Variants in TENM3 observed in about 807,000 individuals in gnomAD.
TENM3 encodes the protein teneurin-3.
In TENM3, 63 loss-of-function variants were observed where a neutral mutation model predicts 255.1. The observed-to-expected ratio is 0.25, with a 90% CI of 0.20 to 0.30. The LOEUF (loss-of-function observed/expected upper bound fraction) is 0.30. Among genes scored for constraint, TENM3 ranks in the 10% least tolerant of loss-of-function variants. The pLI is 1.00. For missense variants in TENM3, 2,929 were observed against 3,461.1 expected (o/e 0.85, Z 3.86); for synonymous variants, 1,306 against 1,322.3 (o/e 0.99, Z 0.27).
the TENM3 span, among the ~76,000 whole-genome samples, chr4:181,555,739 C>T: frequency 1.3e-5 from 2 of 152,182 alleles, no homozygotes; most frequent in Non-Finnish European, 2.9e-5. Flanking sequence ...TTGGAATTCT[C>T]CCCTATATCC....
At chr4:182,148,679 T>G (rs1416793764) in intron 1 of TENM3, among the ~76,000 whole-genome samples, 12 of 152,078 alleles carry the variant, frequency 7.9e-5, no homozygotes, top group African/African-American at 2.9e-4. Context: ...CATAAGATGG[T>G]GTAATCCTGA....
At chr4:181,695,624 C>T in the TENM3 span, among the ~76,000 whole-genome samples, 1 of 152,122 alleles carries the variant, frequency 6.6e-6, no homozygotes, top group Admixed American at 6.6e-5. Flanking sequence ...GAAGACTGAG[C>T]TTCCTTATCC....
chr4:181,741,143 C>T, the TENM3 span, among the ~76,000 whole-genome samples: 5 of 152,094 alleles, frequency 3.3e-5, no homozygotes, highest in East Asian at 1.9e-4. Flanking sequence ...TGAAGCCCAG[C>T]GTCCAATACA....
chr4:182,582,835 A>C (rs1316377671), intron 3 of TENM3, among the ~76,000 whole-genome samples: 9 of 152,206 alleles, frequency 5.9e-5, no homozygotes, highest in Admixed American at 2.0e-4. Flanking sequence ...ATTCACATAA[A>C]CATTGAAGGA....
chr4:182,160,156 C>T (rs1029729233), intron 1 of TENM3, among the ~76,000 whole-genome samples: 2 of 149,790 alleles, frequency 1.3e-5, no homozygotes, highest in Admixed American at 6.7e-5. Context: ...GCGCCCGCCA[C>T]CACGCCTGGC....
chr4:181,578,105 C>G, the TENM3 span, among the ~76,000 whole-genome samples: 7 of 152,188 alleles, frequency 4.6e-5, no homozygotes, highest in African/African-American at 1.7e-4. Flanking sequence ...TGGATCAGGC[C>G]CATGAACCAG....
At chr4:182,325,497 T>A (rs1763333547) in intron 2 of TENM3, among the ~76,000 whole-genome samples, 1 of 152,244 alleles carries the variant, frequency 6.6e-6, no homozygotes, top group Middle Eastern at 3.2e-3. Context: ...TTAACATTTT[T>A]AATCCGTTTT....
the TENM3 span, among the ~76,000 whole-genome samples, chr4:181,710,940 T>C: frequency 4.8e-3 from 723 of 151,136 alleles, 5 homozygotes; most frequent in African/African-American, 0.016. Flanking sequence ...ATATGAGACA[T>C]CTCTGATTCT....
chr4:182,067,313 A>G, the TENM3 span, among the ~76,000 whole-genome samples: 1 of 152,172 alleles, frequency 6.6e-6, no homozygotes, highest in Non-Finnish European at 1.5e-5. Context: ...TGTTCATGAA[A>G]GGACCTGATA....
chr4:181,581,441 AAAAACAAAAC>A, the TENM3 span, among the ~76,000 whole-genome samples: 3 of 152,130 alleles, frequency 2.0e-5, no homozygotes, highest in South Asian at 2.1e-4. Flanking sequence ...ACTCCATCTC[AAAAACAAAAC>A]AAAACAAAAC....
At chr4:182,371,121 G>T (rs1766776681) in intron 3 of TENM3, among the ~76,000 whole-genome samples, 1 of 151,904 alleles carries the variant, frequency 6.6e-6, no homozygotes, top group Non-Finnish European at 1.5e-5. Context: ...CATTCCTTGA[G>T]AAATTGTTCC....
chr4:182,694,880 A>G (rs1264650515), intron 12 of TENM3, among the ~76,000 whole-genome samples: 1 of 152,198 alleles, frequency 6.6e-6, no homozygotes, highest in Non-Finnish European at 1.5e-5. Flanking sequence ...TCTAATTCTT[A>G]TCTCAGATAA....
chr4:182,578,626 A>T (rs1745178011), intron 3 of TENM3, among the ~76,000 whole-genome samples: 2 of 152,134 alleles, frequency 1.3e-5, no homozygotes. Flanking sequence ...AATAGTCATC[A>T]CTTCACAGCC....
chr4:181,979,552 C>A, the TENM3 span, among the ~76,000 whole-genome samples: 1 of 152,158 alleles, frequency 6.6e-6, no homozygotes, highest in Non-Finnish European at 1.5e-5. Flanking sequence ...CTACCCAGGT[C>A]TCTTGTGCAC....
At chr4:181,543,232 G>A in the TENM3 span, among the ~76,000 whole-genome samples, 1 of 152,088 alleles carries the variant, frequency 6.6e-6, no homozygotes, top group African/African-American at 2.4e-5. Context: ...TCAAAGCCGG[G>A]CCTTCGTCCA....
the TENM3 span, among the ~76,000 whole-genome samples, chr4:181,660,682 T>C: frequency 1.3e-5 from 2 of 152,180 alleles, no homozygotes; most frequent in African/African-American, 4.8e-5. Flanking sequence ...TTATGTGGCT[T>C]ATCTATTTTG....
At chr4:182,089,947 T>C in the TENM3 span, among the ~76,000 whole-genome samples, 3 of 152,220 alleles carry the variant, frequency 2.0e-5, no homozygotes, top group Non-Finnish European at 4.4e-5. Context: ...ACTTTATATA[T>C]GCTATCATAT....
the TENM3 span, among the ~76,000 whole-genome samples, chr4:181,582,269 A>G: frequency 6.6e-6 from 1 of 152,026 alleles, no homozygotes; most frequent in South Asian, 2.1e-4. Context: ...CATGCTTTGC[A>G]TTGAGAAAAA....
intron 12 of TENM3, among the ~76,000 whole-genome samples, chr4:182,689,328 A>G (rs17327535): frequency 0.092 from 13,973 of 152,226 alleles, 925 homozygotes; most frequent in Admixed American, 0.13. Flanking sequence ...CGTAAGTATT[A>G]TGTACTTCGC....
Sources: allele counts gnomAD v4.1 joint callset (sites outside exome capture counted in the v4.1 genomes callset), GRCh38; gene constraint gnomAD v4.1.1; transcripts MANE v1.5; gene names NCBI Gene and HGNC (gene_info 2026-07-23, HGNC 2026-07-21).